RAD51B: variants seen among roughly 807,000 people sequenced by gnomAD.
RAD51B encodes RAD51 paralog B.
In RAD51B, 38 loss-of-function variants were observed where a neutral mutation model predicts 42.2. The ratio of observed to expected loss-of-function variants is 0.90; its 90% CI spans 0.70 to 1.18. The LOEUF (loss-of-function observed/expected upper bound fraction) is 1.18, where lower values mean the gene tolerates loss of function less well. Among genes scored for constraint, RAD51B ranks in the 50% most tolerant of loss-of-function variants. RAD51B has a pLI of 0.00. For missense variants in RAD51B, 373 were observed against 400.7 expected, an observed-to-expected ratio of 0.93 and a Z score of 0.59; for synonymous variants, 154 against 145.2, an observed-to-expected ratio of 1.06 and a Z score of -0.43.
intron 7 of RAD51B, among the ~76,000 whole-genome samples, chr14:68,260,318 T>TGTGTGTGTGTGGAGGGGGGGG (rs1049368684): frequency 7.8e-6 from 1 of 128,044 alleles, no homozygotes; most frequent in African/African-American, 4.9e-5. Context: ...TGTGTGTGTG[T>TGTGTGTGTGTGGAGGGGGGGG]GGAGAGGGGA....
intron 7 of RAD51B, among the ~76,000 whole-genome samples, chr14:68,071,370 T>C (rs2076737299): frequency 6.6e-6 from 1 of 152,176 alleles, no homozygotes; most frequent in Non-Finnish European, 1.5e-5. Context: ...GCTTCTAGTT[T>C]TTGCCCCTTC....
At chr14:68,198,263 A>T (rs895878423) in intron 7 of RAD51B, among the ~76,000 whole-genome samples, 6 of 151,886 alleles carry the variant, frequency 4.0e-5, no homozygotes, top group Non-Finnish European at 8.8e-5. Flanking sequence ...CATATGCTTT[A>T]CTCTAACTGG....
intron 10 of RAD51B, among the ~76,000 whole-genome samples, chr14:68,589,803 G>T (rs572679113): frequency 6.6e-6 from 1 of 152,224 alleles, no homozygotes; most frequent in South Asian, 2.1e-4. Context: ...AATGCAATTT[G>T]GACTTTATTT....
At chr14:68,072,061 AT>A (rs1491401993) in intron 7 of RAD51B, among the ~76,000 whole-genome samples, 1 of 118,298 alleles carries the variant, frequency 8.5e-6, no homozygotes, top group Non-Finnish European at 1.6e-5. Context: ...AATTATATAT[AT>A]TTATATAAAT....
At chr14:68,494,474 C>T (rs776623496) in intron 10 of RAD51B, among the ~76,000 whole-genome samples, 15 of 152,082 alleles carry the variant, frequency 9.9e-5, no homozygotes, top group Non-Finnish European at 2.2e-4. Flanking sequence ...ACTCCAAGCA[C>T]CCCCGGTTGA....
At chr14:68,676,516 G>C (rs752144588) in intron 11 of RAD51B, among the ~76,000 whole-genome samples, 3 of 152,222 alleles carry the variant, frequency 2.0e-5, no homozygotes, top group South Asian at 4.1e-4. Flanking sequence ...TGTAGTTCTG[G>C]AAACTAAAGC....
chr14:68,173,718 C>T (rs868190218), intron 7 of RAD51B, among the ~76,000 whole-genome samples: 2 of 152,276 alleles, frequency 1.3e-5, no homozygotes, highest in South Asian at 4.1e-4. Context: ...TAGGGAGTAC[C>T]CATGTTCCTG....
At chr14:67,921,608 C>T (rs2044327136) in intron 7 of RAD51B, among the ~76,000 whole-genome samples, 1 of 149,820 alleles carries the variant, frequency 6.7e-6, no homozygotes, top group South Asian at 2.2e-4. Context: ...CACACACACA[C>T]ACACACACAC....
chr14:67,851,829 C>T (rs961813948), intron 4 of RAD51B, among the ~76,000 whole-genome samples: 1 of 151,616 alleles, frequency 6.6e-6, no homozygotes, highest in South Asian at 2.1e-4. Context: ...CCTAGAGAAA[C>T]AGAGCTGCTA....
chr14:68,114,333 T>G (rs1253300318), intron 7 of RAD51B, among the ~76,000 whole-genome samples: 1 of 152,138 alleles, frequency 6.6e-6, no homozygotes, highest in Non-Finnish European at 1.5e-5. Flanking sequence ...GTCACATAAT[T>G]GAAATGGTTC....
At chr14:68,403,263 C>A (rs1288334723) in intron 8 of RAD51B, among the ~76,000 whole-genome samples, 1 of 152,060 alleles carries the variant, frequency 6.6e-6, no homozygotes. Context: ...AGGCCATGAA[C>A]TTTTCCTTCC....
intron 7 of RAD51B, among the ~76,000 whole-genome samples, chr14:68,171,982 C>G (rs2078883059): frequency 6.6e-6 from 1 of 152,202 alleles, no homozygotes. Flanking sequence ...GCTGGGATTA[C>G]AGGTGTGAGC....
At position 68,244,567 on chromosome 14, in the gene RAD51B, A is replaced by G. The variant is rs557568365; in HGVS notation, c.757-47317A>G. Among the ~76,000 whole-genome samples, 14 of 152,278 alleles carry G rather than the reference A, an allele frequency of 9.2e-5. No homozygotes were observed. The South Asian group carries it at 2.9e-3, about 32-fold the overall frequency. On this transcript the variant is annotated intron_variant, in intron 7 of 10. Transcript: ENST00000471583. ...GTTGGAGGCTTTTTGAAGCCATTGT[A>G]TTGTTAGAGAATAATTAGAGTGAAT...
intron 7 of RAD51B, among the ~76,000 whole-genome samples, chr14:68,263,204 C>A (rs2080922957): frequency 6.6e-6 from 1 of 152,180 alleles, no homozygotes; most frequent in South Asian, 2.1e-4. Flanking sequence ...ATGCAGATGA[C>A]CTGTGAACAA....
At position 67,823,547 on chromosome 14, in the gene RAD51B, G is replaced by C. The variant is rs756673534; in HGVS notation, c.4G>C (p.Gly2Arg). The C allele has an allele frequency of 6.2e-7, 1 of 1,613,230 alleles. No homozygotes were observed. Among genetic ancestry groups the C allele is most frequent in the Non-Finnish European group, 8.5e-7 (1 of 1,179,610 alleles). Residue 2 changes from glycine (G) to arginine (R), a missense_variant, in exon 2 of 11, where the codon GGT becomes CGT. Physicochemically the swap from Gly to Arg is moderately radical, Grantham distance 125 (BLOSUM62 -2). Transcript: ENST00000471583. Reference sequence around the variant, plus strand: ...TTTCTTTGCTGGATCTGGAGGCATGGGTAGCAAGAAACTAAAACGAGTGGG... The same window carrying C: ...TTTCTTTGCTGGATCTGGAGGCATGCGTAGCAAGAAACTAAAACGAGTGGG... M[G>R]SKKLKRVGLS... is the part of the protein sequence containing the mutation.
intron 7 of RAD51B, among the ~76,000 whole-genome samples, chr14:68,119,916 C>G (rs974737431): frequency 8.1e-5 from 12 of 147,618 alleles, no homozygotes; most frequent in African/African-American, 2.5e-4. Context: ...AATGGTTGAA[C>G]TAGTTTACAG....
At position 67,851,262 on chromosome 14, in the gene RAD51B, T is replaced by C. The variant is rs374391991; in HGVS notation, c.316-13741T>C. The stretch of plus-strand genomic sequence containing the variant: ...GCTGGACTTCCTCTATGAGTCTTGA[T>C]GGGGCTGGATTGTTGGGGAGCCTCA... On this transcript the variant is annotated intron_variant, in intron 4 of 10. Transcript: ENST00000471583. Among the ~76,000 whole-genome samples the C allele has an allele frequency of 1.1e-4, 17 of 152,182 alleles. 1 individual carries two copies. Among genetic ancestry groups the C allele is most frequent in the African/African-American group, 4.1e-4 (17 of 41,506 alleles).
intron 8 of RAD51B, among the ~76,000 whole-genome samples, chr14:68,407,173 A>G (rs181506679): frequency 6.6e-6 from 1 of 152,352 alleles, no homozygotes; most frequent in African/African-American, 2.4e-5. Flanking sequence ...AGTATAGTAA[A>G]TACATAAACT....
downstream of RAD51B, among the ~76,000 whole-genome samples, chr14:68,479,775 A>G (rs947459118): frequency 1.4e-5 from 2 of 146,586 alleles, no homozygotes; most frequent in Non-Finnish European, 3.0e-5. Context: ...CTCAAGCAAT[A>G]CTCCAACCTC....
Sources: gnomAD v4.1 joint callset for allele counts (sites outside exome capture counted in the v4.1 genomes callset) on GRCh38, gnomAD v4.1.1 for gene constraint, MANE v1.5 for transcripts, NCBI Gene and HGNC (gene_info 2026-07-23, HGNC 2026-07-21) for gene names.